The following SPTLC3 variants were observed in gnomAD, a reference collection of about 807,000 sequenced individuals.
The protein encoded by SPTLC3 is serine palmitoyltransferase 3.
In SPTLC3, 36 loss-of-function variants were observed where a neutral mutation model predicts 59.3. The ratio of observed to expected loss-of-function variants is 0.61; its 90% CI spans 0.47 to 0.80. The LOEUF (loss-of-function observed/expected upper bound fraction) is 0.80. SPTLC3 is among the 30% of genes least tolerant of loss of function. The pLI, the probability that SPTLC3 is intolerant of heterozygous loss-of-function variation, is 0.00. For missense variants in SPTLC3, 625 were observed against 685.1 expected, an observed-to-expected ratio of 0.91 and a Z score of 0.98; for synonymous variants, 257 against 240.8, an observed-to-expected ratio of 1.07 and a Z score of -0.62.
intron 1 of SPTLC3, among the ~76,000 whole-genome samples, chr20:13,039,993 T>C (rs1237885621): frequency 1.3e-5 from 2 of 152,002 alleles, no homozygotes; most frequent in Non-Finnish European, 2.9e-5. Flanking sequence ...TTTTATGTCT[T>C]TTTTAAGAAG....
intron 4 of SPTLC3, among the ~76,000 whole-genome samples, chr20:13,077,965 A>G (rs1377659280): frequency 6.6e-6 from 1 of 151,952 alleles, no homozygotes; most frequent in Non-Finnish European, 1.5e-5. Context: ...TATTTTTAAT[A>G]AGTCACTGGA....
At chr20:13,086,209 C>G (rs912466815) in intron 4 of SPTLC3, among the ~76,000 whole-genome samples, 2 of 152,180 alleles carry the variant, frequency 1.3e-5, no homozygotes, top group African/African-American at 4.8e-5. Flanking sequence ...CAAGTTGACA[C>G]CTTTACTCAA....
At chr20:13,127,446 A>G (rs963581402) in intron 9 of SPTLC3, among the ~76,000 whole-genome samples, 1 of 152,134 alleles carries the variant, frequency 6.6e-6, no homozygotes, top group Non-Finnish European at 1.5e-5. Context: ...TGGACTGTAC[A>G]ATCTATGTGC....
rs1193752890 is a variant in SPTLC3 at position 13,166,290 on chromosome 20, G to A, written c.*1423G>A. 1 of 152,632 alleles carries A rather than the reference G, an allele frequency of 6.6e-6. No individual in the cohort carries two copies. Among genetic ancestry groups the A allele is most frequent in the East Asian group, 1.9e-4 (1 of 5,192 alleles). 9.5% of individuals were successfully genotyped at this position (152,632 alleles called of 1,614,324 possible). ...GATAGAAACTCCACCCGCAGCGCCTGCGATGGATGGAGCAGTGTGCCCTGA... is the reference window on the plus strand; with the variant it reads ...GATAGAAACTCCACCCGCAGCGCCTACGATGGATGGAGCAGTGTGCCCTGA... On this transcript the variant is annotated 3_prime_UTR_variant, in exon 12 of 12. Coordinates refer to ENST00000399002, the MANE Select transcript of SPTLC3 (RefSeq NM_018327.4).
intron 9 of SPTLC3, among the ~76,000 whole-genome samples, chr20:13,149,223 T>A (rs190544172): frequency 1.3e-5 from 2 of 152,298 alleles, no homozygotes; most frequent in Non-Finnish European, 2.9e-5. Flanking sequence ...AGAAGAAAGA[T>A]CAGAAACTAC....
chr20:13,153,980 AT>A, intron 9 of SPTLC3, 22 bp from the exon 10 acceptor site: 1 of 1,611,278 alleles, frequency 6.2e-7, no homozygotes, highest in African/African-American at 1.3e-5. Flanking sequence ...GAATTGATGG[AT>A]TTCACGCCTG....
chr20:13,018,634 T>C (rs1391532999), intron 1 of SPTLC3, among the ~76,000 whole-genome samples: 1 of 152,208 alleles, frequency 6.6e-6, no homozygotes, highest in African/African-American at 2.4e-5. Context: ...ATTAACATAT[T>C]TTAAGTATTT....
intron 6 of SPTLC3, among the ~76,000 whole-genome samples, chr20:13,101,351 AG>A (rs769662728): frequency 6.6e-5 from 10 of 152,230 alleles, no homozygotes; most frequent in Non-Finnish European, 1.3e-4. Flanking sequence ...ATTTGCTGCC[AG>A]GCCATATGTA....
intron 2 of SPTLC3, among the ~76,000 whole-genome samples, chr20:13,062,027 G>A (rs6134764): frequency 6.6e-6 from 1 of 151,982 alleles, no homozygotes; most frequent in African/African-American, 2.4e-5. Flanking sequence ...TCAGACACTA[G>A]GACCTCCTTG....
chr20:13,083,165 C>T (rs971391098), intron 4 of SPTLC3, among the ~76,000 whole-genome samples: 2 of 152,160 alleles, frequency 1.3e-5, no homozygotes, highest in African/African-American at 2.4e-5. Context: ...TTAAGTAGCC[C>T]AGGGTTGAAA....
chr20:13,118,433 C>A (rs1194944453), intron 8 of SPTLC3, among the ~76,000 whole-genome samples: 2 of 124,272 alleles, frequency 1.6e-5, no homozygotes, highest in East Asian at 2.4e-4. Context: ...GTGCCAATAT[C>A]ACCAAGAGGT....
At chr20:13,063,059 T>C (rs1239140825) in intron 2 of SPTLC3, among the ~76,000 whole-genome samples, 1 of 152,246 alleles carries the variant, frequency 6.6e-6, no homozygotes, top group African/African-American at 2.4e-5. Context: ...TAACAATGCA[T>C]GCTTCCTTGC....
chr20:13,013,693 A>G (rs973346608), intron 1 of SPTLC3, among the ~76,000 whole-genome samples: 1 of 152,218 alleles, frequency 6.6e-6, no homozygotes, highest in African/African-American at 2.4e-5. Flanking sequence ...TTCTCCCTCC[A>G]TTTATAAATA....
At chr20:13,164,686 T>C in intron 11 of SPTLC3, 68 bp from the exon 12 acceptor site, 2 of 1,168,652 alleles carry the variant, frequency 1.7e-6, no homozygotes, top group Non-Finnish European at 2.5e-6. Flanking sequence ...TTGCTATTAA[T>C]CTGGGCTCTG....
chr20:13,108,285 A>G (rs1990020056), intron 6 of SPTLC3, among the ~76,000 whole-genome samples: 1 of 152,258 alleles, frequency 6.6e-6, no homozygotes, highest in Admixed American at 6.5e-5. Context: ...AAATATATTC[A>G]CAACTCTATT....
At position 13,069,589 on chromosome 20, in the gene SPTLC3, G is replaced by A. The variant is rs575972532; in HGVS notation, c.304-2667G>A. On this transcript the variant is annotated intron_variant, in intron 2 of 11. Transcript: ENST00000399002. Reference sequence around the variant, plus strand: ...GCTGATCTGACAGGAGGTGGAGCTCGGAGCCCAGGTGGTAATGCTCGCTCA... The same window carrying A: ...GCTGATCTGACAGGAGGTGGAGCTCAGAGCCCAGGTGGTAATGCTCGCTCA... Among the ~76,000 whole-genome samples, 12 of 152,176 alleles carry A rather than the reference G, an allele frequency of 7.9e-5. No individual in the cohort carries two copies. In the East Asian group the frequency reaches 1.2e-3, roughly 15 times the overall value.
intron 7 of SPTLC3, among the ~76,000 whole-genome samples, chr20:13,111,852 A>G (rs372163459): frequency 2.6e-5 from 4 of 152,328 alleles, no homozygotes; most frequent in East Asian, 3.9e-4. Context: ...CATGGCTGAA[A>G]TTAAGTAGAC....
At chr20:13,132,552 A>C (rs557072226) in intron 9 of SPTLC3, among the ~76,000 whole-genome samples, 1 of 152,284 alleles carries the variant, frequency 6.6e-6, no homozygotes, top group South Asian at 2.1e-4. Context: ...GCCCTCACTA[A>C]AAGGTAAACT....
chr20:13,148,842 G>C (rs373612374), intron 9 of SPTLC3, among the ~76,000 whole-genome samples: 16 of 152,296 alleles, frequency 1.1e-4, no homozygotes, highest in African/African-American at 3.4e-4. Context: ...GTGGCACTGA[G>C]GCTGCAGAGA....
Sources: gnomAD v4.1 joint callset for allele counts (sites outside exome capture counted in the v4.1 genomes callset) on GRCh38, gnomAD v4.1.1 for gene constraint, MANE v1.5 for transcripts, NCBI Gene and HGNC (gene_info 2026-07-23, HGNC 2026-07-21) for gene names.